ITPRID1: variants seen among roughly 807,000 people sequenced by gnomAD.
The protein encoded by ITPRID1 is protein ITPRID1.
In ITPRID1, 96 loss-of-function variants were observed where a neutral mutation model predicts 95.4. That is an observed-to-expected ratio of 1.01 (90% CI 0.85 to 1.19). The LOEUF (loss-of-function observed/expected upper bound fraction) is 1.19, where lower values mean the gene tolerates loss of function less well. ITPRID1 is among the 50% of genes most tolerant of loss of function. ITPRID1 has a pLI of 0.00. For synonymous variants in ITPRID1, 510 were observed against 453.6 expected (o/e 1.12, Z -1.58); for missense variants, 1,339 against 1,252.9 (o/e 1.07, Z -1.04).
intron 10 of ITPRID1, among the ~76,000 whole-genome samples, chr7:31,623,110 C>G (rs1037915592): frequency 1.0e-3 from 159 of 152,284 alleles, no homozygotes; most frequent in African/African-American, 3.7e-3. Context: ...TGGCAATAAT[C>G]AGTAGCTTAC....
intron 1 of ITPRID1, among the ~76,000 whole-genome samples, chr7:31,536,382 T>C (rs1282812146): frequency 6.6e-6 from 1 of 152,150 alleles, no homozygotes; most frequent in Non-Finnish European, 1.5e-5. Flanking sequence ...ATTTTCCATG[T>C]TTTCAGCTAG....
chr7:31,647,339 G>C (rs377365273), intron 12 of ITPRID1, among the ~76,000 whole-genome samples: 23 of 152,228 alleles, frequency 1.5e-4, no homozygotes, highest in Middle Eastern at 6.8e-3. Flanking sequence ...ACCAAGTGAA[G>C]ATTATAAGCA....
At chr7:31,550,472 A>G (rs528081447) in intron 2 of ITPRID1, among the ~76,000 whole-genome samples, 3 of 152,266 alleles carry the variant, frequency 2.0e-5, no homozygotes, top group East Asian at 1.9e-4. Context: ...GTCACATGCC[A>G]TAACTTGTGC....
intron 4 of ITPRID1, 118 bp downstream of exon 4, chr7:31,554,641 T>C (rs1198071647): frequency 3.1e-6 from 4 of 1,294,698 alleles, no homozygotes; most frequent in Admixed American, 2.2e-5. Flanking sequence ...ATTTTAATTG[T>C]ACGTGAAGTA....
chr7:31,612,260 C>T (rs905413598), intron 10 of ITPRID1, among the ~76,000 whole-genome samples: 1 of 152,050 alleles, frequency 6.6e-6, no homozygotes, highest in Non-Finnish European at 1.5e-5. Context: ...TCATACACTC[C>T]TTCAGTTATT....
intron 10 of ITPRID1, among the ~76,000 whole-genome samples, chr7:31,637,655 G>C (rs560679777): frequency 6.6e-6 from 1 of 152,268 alleles, no homozygotes. Flanking sequence ...CAGATGAGTA[G>C]ATTGCGAAAA....
chr7:31,519,396 CTG>C (rs1429451105), intron 1 of ITPRID1, among the ~76,000 whole-genome samples: 1 of 151,774 alleles, frequency 6.6e-6, no homozygotes, highest in African/African-American at 2.4e-5. Context: ...ACAGAAATAA[CTG>C]TGTCTCCTCT....
intron 10 of ITPRID1, among the ~76,000 whole-genome samples, chr7:31,616,361 A>T (rs1472436183): frequency 6.6e-6 from 1 of 152,188 alleles, no homozygotes; most frequent in African/African-American, 2.4e-5. Flanking sequence ...TTCAATAATC[A>T]GATTTTTAAA....
At chr7:31,575,031 G>A (rs1359831000) in intron 8 of ITPRID1, among the ~76,000 whole-genome samples, 1 of 152,186 alleles carries the variant, frequency 6.6e-6, no homozygotes, top group Non-Finnish European at 1.5e-5. Flanking sequence ...AATGGAGAAT[G>A]ATACTCAGCT....
intron 1 of ITPRID1, chr7:31,517,412 G>C (rs1021655442): frequency 6.6e-6 from 1 of 152,320 alleles, no homozygotes; most frequent in African/African-American, 2.4e-5. Context: ...CAGTGGCTGC[G>C]GGACTTTCCA....
chr7:31,645,878 A>G (rs1790422687), intron 12 of ITPRID1, among the ~76,000 whole-genome samples: 1 of 152,176 alleles, frequency 6.6e-6, no homozygotes, highest in South Asian at 2.1e-4. Context: ...CAGTAGTGTC[A>G]AGGCTGTAAA....
At chr7:31,532,870 A>G (rs1783643398) in intron 1 of ITPRID1, among the ~76,000 whole-genome samples, 1 of 152,170 alleles carries the variant, frequency 6.6e-6, no homozygotes, top group Non-Finnish European at 1.5e-5. Context: ...CATTCCTTTA[A>G]CAAACCCTGC....
At chr7:31,611,821 T>G (rs1359006772) in intron 10 of ITPRID1, among the ~76,000 whole-genome samples, 1 of 152,044 alleles carries the variant, frequency 6.6e-6, no homozygotes, top group African/African-American at 2.4e-5. Context: ...ATCATGTGTC[T>G]GAGTGTGTAT....
chr7:31,633,352 C>T (rs147496273), intron 10 of ITPRID1, among the ~76,000 whole-genome samples: 154 of 152,240 alleles, frequency 1.0e-3, no homozygotes, highest in Middle Eastern at 6.8e-3. Context: ...TTTCCTAAAA[C>T]GTATGATGCT....
intron 12 of ITPRID1, among the ~76,000 whole-genome samples, chr7:31,647,316 A>G (rs1790550266): frequency 6.6e-6 from 1 of 152,158 alleles, no homozygotes; most frequent in Non-Finnish European, 1.5e-5. Flanking sequence ...TATTAACAGG[A>G]CATAGCTCTT....
intron 1 of ITPRID1, among the ~76,000 whole-genome samples, chr7:31,516,527 T>C (rs1451517631): frequency 1.3e-5 from 2 of 152,174 alleles, no homozygotes; most frequent in Non-Finnish European, 1.5e-5. Flanking sequence ...GAGTTAGAGA[T>C]GCCATAGCTC....
intron 10 of ITPRID1, among the ~76,000 whole-genome samples, chr7:31,607,902 T>A (rs554287770): frequency 5.3e-5 from 8 of 152,230 alleles, no homozygotes; most frequent in Non-Finnish European, 7.4e-5. Context: ...TTTTATGTAT[T>A]TAACCTCGTG....
At chr7:31,607,346 G>A (rs1786668660) in intron 10 of ITPRID1, among the ~76,000 whole-genome samples, 1 of 152,128 alleles carries the variant, frequency 6.6e-6, no homozygotes, top group South Asian at 2.1e-4. Context: ...CAGACTGTCT[G>A]AGTAGCTTCC....
Position 31,554,489 on chromosome 7 carries a change from G to A in ITPRID1, c.178G>A (p.Glu60Lys), listed in dbSNP as rs759882354. The A allele has an allele frequency of 4.3e-6, 7 of 1,612,918 alleles. No homozygotes were observed. Among genetic ancestry groups the A allele is most frequent in the Non-Finnish European group, 5.9e-6 (7 of 1,179,368 alleles). ...TIPMLEDSKQ[E>K]SIQQWLDSGF... ...CTTACTTGTAGAAGATTCCAAGCAA[G>A]AAAGTATTCAGCAGTGGCTGGACTC... Residue 60 changes from glutamate (E) to lysine (K), a missense_variant, in exon 4 of 15, where the codon GAA (glutamate) becomes AAA (lysine). Glu to Lys is a moderately conservative substitution (Grantham distance 56). Coordinates refer to ENST00000615280, the MANE Select transcript of ITPRID1 (RefSeq NM_001257967.3).
Sources: gnomAD v4.1 joint callset for allele counts (sites outside exome capture counted in the v4.1 genomes callset) on GRCh38, gnomAD v4.1.1 for gene constraint, MANE v1.5 for transcripts, NCBI Gene and HGNC (gene_info 2026-07-23, HGNC 2026-07-21) for gene names.